The following RPL31 variants were observed in gnomAD, a reference collection of about 807,000 sequenced individuals.
RPL31 encodes large ribosomal subunit protein eL31.
For synonymous variants in RPL31, 51 were observed against 55.0 expected (o/e 0.93, Z 0.32); for missense variants, 95 against 164.0 (o/e 0.58, Z 2.30).
At position 101,006,961 on chromosome 2, in the gene RPL31, T is replaced by TAACA. The variant is rs1197747025; in HGVS notation, c.*583_*586dup. ...AGTAAAAAGTTCCTTAAGGTATCAATAACAAAAATTTGTATTAATAGTTCA... is the reference window on the plus strand; with the variant it reads ...AGTAAAAAGTTCCTTAAGGTATCAATAACAAACAAAAATTTGTATTAATAGTTCA... On this transcript the variant is annotated 3_prime_UTR_variant, in exon 5 of 5. Transcript: ENST00000264258. 3 of 152,374 alleles carry TAACA rather than the reference T, an allele frequency of 2.0e-5. No individual in the cohort carries two copies. The South Asian group carries it at 6.2e-4, about 32-fold the overall frequency. 9.4% of individuals were successfully genotyped at this position (152,374 alleles called of 1,614,324 possible). A position where few individuals can be genotyped will look rare whatever the true frequency, so the allele number is the denominator to read the frequency against.
downstream of RPL31, among the ~76,000 whole-genome samples, chr2:101,009,406 C>CAAA (rs70943054): frequency 1.0e-5 from 1 of 97,758 alleles, no homozygotes; most frequent in Non-Finnish European, 2.1e-5. Flanking sequence ...ACTCTGTCTC[C>CAAA]AAAAAAAAAA....
downstream of RPL31, chr2:101,011,252 G>T (rs1679185056): frequency 1.4e-6 from 1 of 693,120 alleles, no homozygotes; most frequent in Non-Finnish European, 2.4e-6. Context: ...GGAACTTGGT[G>T]GTGGGGGCAA....
intron 4 of RPL31, among the ~76,000 whole-genome samples, chr2:101,012,501 A>G (rs1183755339): frequency 6.6e-6 from 1 of 152,184 alleles, no homozygotes; most frequent in Non-Finnish European, 1.5e-5. Context: ...CAGAAACAGA[A>G]AGCTGCCTAC....
chr2:101,005,913 T>C (rs540943611), intron 3 of RPL31, 46 bp from the exon 4 acceptor site: 2 of 1,528,744 alleles, frequency 1.3e-6, no homozygotes, highest in South Asian at 1.1e-5. Context: ...GGCTGCTTGG[T>C]TGAAAGGAGG....
At chr2:101,004,740 A>G (rs1441054917) in intron 3 of RPL31, 3 of 169,312 alleles carry the variant, frequency 1.8e-5, no homozygotes, top group Non-Finnish European at 2.5e-5. Context: ...GTCACTACTG[A>G]GGGATACTGT....
At chr2:101,016,451 A>C (rs568522725) in intron 4 of RPL31, among the ~76,000 whole-genome samples, 2,310 of 152,054 alleles carry the variant, frequency 0.015, 76 homozygotes, top group African/African-American at 0.052. Context: ...TGTGGAGAAA[A>C]AGGAACACTT....
exon 5 of RPL31, chr2:101,019,116 C>T: frequency 1.9e-6 from 3 of 1,549,708 alleles, no homozygotes; most frequent in Non-Finnish European, 2.6e-6. Context: ...GATGCCTTTA[C>T]AACCAAGCTC....
chr2:101,004,710 G>C (rs1678654064), intron 3 of RPL31: 1 of 190,980 alleles, frequency 5.2e-6, no homozygotes, highest in Non-Finnish European at 1.1e-5. Context: ...TTGTGGCGGG[G>C]GTGGGGGGCA....
intron 4 of RPL31, among the ~76,000 whole-genome samples, chr2:101,014,336 A>G (rs896404561): frequency 1.2e-4 from 18 of 152,260 alleles, no homozygotes; most frequent in Admixed American, 3.9e-4. Context: ...CGAATCAAAC[A>G]TGTCTGGTAT....
downstream of RPL31, chr2:101,011,681 C>A: frequency 1.4e-6 from 1 of 723,346 alleles, no homozygotes; most frequent in Admixed American, 2.3e-5. Flanking sequence ...TCCACGAACC[C>A]AAATGCACAC....
intron 4 of RPL31, among the ~76,000 whole-genome samples, chr2:101,014,196 AG>A (rs1236648202): frequency 6.6e-6 from 1 of 151,586 alleles, no homozygotes; most frequent in Non-Finnish European, 1.5e-5. Flanking sequence ...ATTTCGCAAA[AG>A]TTTTTTTTTT....
chr2:101,018,478 T>TG (rs1394032278), intron 4 of RPL31, among the ~76,000 whole-genome samples: 5 of 152,230 alleles, frequency 3.3e-5, no homozygotes, highest in African/African-American at 9.6e-5. Context: ...CAGATGTACT[T>TG]GGTTATGTAT....
At position 101,006,045 on chromosome 2, in the gene RPL31, C is replaced by T; in HGVS notation, c.320C>T (p.Thr107Ile). The T allele has an allele frequency of 1.9e-6, 3 of 1,613,776 alleles. No homozygotes were observed. Among genetic ancestry groups the T allele is most frequent in the Non-Finnish European group, 2.5e-6 (3 of 1,179,872 alleles). ...DSPNKLYTLV[T>I]YVPVTTFKNL... ...CCAAATAAGCTATATACTTTGGTTACCTATGTACCTGTTACCACTTTCAAA... is the reference window on the plus strand; with the variant it reads ...CCAAATAAGCTATATACTTTGGTTATCTATGTACCTGTTACCACTTTCAAA... The change falls in exon 4 of 5, where the codon ACC becomes ATC. Residue 107 changes from threonine to isoleucine, a missense_variant. Physicochemically the swap from Thr to Ile is moderately conservative, Grantham distance 89 (BLOSUM62 -1). Coordinates refer to ENST00000264258, the MANE Select transcript of RPL31 (RefSeq NM_000993.5).
intron 4 of RPL31, among the ~76,000 whole-genome samples, chr2:101,013,827 TTACAG>T (rs1216216665): frequency 4.3e-4 from 65 of 152,236 alleles, no homozygotes; most frequent in Non-Finnish European, 5.0e-4. Flanking sequence ...AGTTGAGACA[TTACAG>T]TAATCATCAA....
chr2:101,006,591 G>T lies in RPL31; in HGVS notation c.*210G>T. The stretch of plus-strand genomic sequence containing the variant: ...AACCTAGTTTTAGAACCACTGTTCT[G>T]GGTAGTTGGGATACTGAAGGCATAT... On this transcript the variant is annotated 3_prime_UTR_variant, in exon 5 of 5. Coordinates refer to ENST00000264258, the MANE Select transcript of RPL31 (RefSeq NM_000993.5). 2.1e-6 allele frequency: 1 copy of T among 474,298 alleles called. No homozygotes were observed. Among genetic ancestry groups the T allele is most frequent in the Non-Finnish European group, 3.7e-6 (1 of 272,840 alleles). The allele number at this position is 474,298 out of a possible 1,614,324, so 29.4% of individuals were successfully genotyped here. A position where few individuals can be genotyped will look rare whatever the true frequency, so the allele number is the denominator to read the frequency against.
chr2:101,017,950 C>T (rs1315558531), intron 4 of RPL31: 1 of 1,549,516 alleles, frequency 6.5e-7, no homozygotes, highest in East Asian at 2.4e-5. Context: ...TTCTTCTCTA[C>T]TTGGTGAAAA....
Position 101,007,036 on chromosome 2 carries a change from G to A in RPL31, c.*655G>A, listed in dbSNP as rs936606806. 4 of 152,260 alleles carry A rather than the reference G, an allele frequency of 2.6e-5. No homozygotes were observed. The highest frequency in any genetic ancestry group is 5.9e-5 in the Non-Finnish European group (4 of 68,090). 9.4% of individuals were successfully genotyped at this position (152,260 alleles called of 1,614,324 possible). On this transcript the variant is annotated 3_prime_UTR_variant, in exon 5 of 5. Transcript: ENST00000264258. ...TATGTTTCACCAGCATTTACAAGCT[G>A]TATGTTAAATGCTGCCATAAAGAGG...
At chr2:101,019,129 C>T (rs1298589261) in exon 5 of RPL31, 23 of 1,522,478 alleles carry the variant, frequency 1.5e-5, no homozygotes, top group African/African-American at 2.7e-5. Flanking sequence ...CCAAGCTCAC[C>T]GAGGACGTCT....
chr2:101,004,308 G>A (rs1350404031), intron 3 of RPL31, 25 bp downstream of exon 3: 3 of 1,611,806 alleles, frequency 1.9e-6, no homozygotes, highest in East Asian at 2.2e-5. Flanking sequence ...TGTATTCGAA[G>A]GTGAACTTTT....
Sources: gnomAD v4.1 joint callset for allele counts (sites outside exome capture counted in the v4.1 genomes callset) on GRCh38, gnomAD v4.1.1 for gene constraint, MANE v1.5 for transcripts, NCBI Gene and HGNC (gene_info 2026-07-23, HGNC 2026-07-21) for gene names.